The following ANKRD11 variants were observed in gnomAD, a reference collection of about 807,000 sequenced individuals.
ANKRD11 encodes ankyrin repeat domain 11.
Under a neutral mutation model 195.7 loss-of-function variants are expected in ANKRD11, and 17 were observed. That is an observed-to-expected ratio of 0.09 (90% CI 0.06 to 0.13). ANKRD11 has a LOEUF of 0.13. Among genes scored for constraint, ANKRD11 ranks in the 10% least tolerant of loss-of-function variants. ANKRD11 has a pLI of 1.00. For missense variants in ANKRD11, 3,735 were observed against 3,566.1 expected (o/e 1.05, Z -1.21); for synonymous variants, 1,953 against 1,528.1 (o/e 1.28, Z -6.49).
intron 9 of ANKRD11, chr16:89,278,435 C>G: frequency 4.2e-5 from 18 of 432,822 alleles, no homozygotes; most frequent in South Asian, 3.0e-4. Flanking sequence ...TGGGCCCAGA[C>G]GTAGCGCAAG....
At chr16:89,423,431 T>C (rs1320376305) in intron 1 of ANKRD11, among the ~76,000 whole-genome samples, 1 of 152,246 alleles carries the variant, frequency 6.6e-6, no homozygotes. Context: ...CCGCAGTGCA[T>C]TCCTTTCATG....
At chr16:89,363,186 T>C (rs893827462) in intron 2 of ANKRD11, among the ~76,000 whole-genome samples, 7 of 152,274 alleles carry the variant, frequency 4.6e-5, no homozygotes, top group African/African-American at 1.4e-4. Flanking sequence ...AAATATACGA[T>C]GTTTCCAGAT....
In ANKRD11 at chr16:89,317,312, C is replaced by T. The variant is rs189721261; in HGVS notation, c.-59-234G>A. Among the ~76,000 whole-genome samples the T allele has an allele frequency of 2.0e-5, 3 of 152,326 alleles. No individual in the cohort carries two copies. In the East Asian group the frequency reaches 5.8e-4, roughly 29 times the overall value. On this transcript the variant is annotated intron_variant, in intron 2 of 12. Transcript: ENST00000301030. ...GGAAGGAGAACAGAGAAGGGTCAAG[C>T]ACTTTGTAGTGGCAGAAAGGGACGC... is the stretch of plus-strand genomic sequence containing the variant.
intron 9 of ANKRD11, chr16:89,278,393 C>T (rs1409478199): frequency 2.5e-6 from 1 of 393,432 alleles, no homozygotes; most frequent in African/African-American, 2.1e-5. Context: ...GGAATGTGCT[C>T]AGAGCAGGGC....
At chr16:89,316,459 G>A (rs1223055078) in intron 3 of ANKRD11, among the ~76,000 whole-genome samples, 1 of 152,154 alleles carries the variant, frequency 6.6e-6, no homozygotes, top group Non-Finnish European at 1.5e-5. Context: ...CTGCAAGGCA[G>A]GAAGTCTGCA....
rs1370452980 is a variant in ANKRD11, at chr16:89,437,993, T to C, written c.-144-19625A>G. 5.3e-5 allele frequency among the ~76,000 whole-genome samples: 8 copies of C among 152,294 alleles called. No individual in the cohort carries two copies. The East Asian group carries it at 1.2e-3, about 22-fold the overall frequency. Reference sequence around the variant, plus strand: ...CTGGATACAAAATATAAGATGAATATACACAAGTCCATTGTATTTCTAGAC... The same window carrying C: ...CTGGATACAAAATATAAGATGAATACACACAAGTCCATTGTATTTCTAGAC... On this transcript the variant is annotated intron_variant, in intron 1 of 12. Transcript: ENST00000301030.
chr16:89,290,496 T>TG, intron 6 of ANKRD11, 129 bp downstream of exon 6: 1 of 137,160 alleles, frequency 7.3e-6, no homozygotes, highest in Non-Finnish European at 1.3e-5. Context: ...AGGGCTCCAA[T>TG]GGGGGGAGGC....
chr16:89,362,913 G>A (rs575319691), intron 2 of ANKRD11, among the ~76,000 whole-genome samples: 1 of 152,138 alleles, frequency 6.6e-6, no homozygotes, highest in South Asian at 2.1e-4. Context: ...AATACAGAAT[G>A]TGAGGTCCCG....
intron 3 of ANKRD11, among the ~76,000 whole-genome samples, chr16:89,315,344 C>T (rs2036886724): frequency 6.6e-6 from 1 of 152,228 alleles, no homozygotes; most frequent in Non-Finnish European, 1.5e-5. Flanking sequence ...CGACGTGAAG[C>T]TATCCCAACA....
Position 89,294,604 on chromosome 16 carries a change from C to T in ANKRD11, c.227-3421G>A, listed in dbSNP as rs980810280. Among the ~76,000 whole-genome samples, 8 of 152,280 alleles carry T rather than the reference C, an allele frequency of 5.3e-5. No homozygotes were observed. The South Asian group carries it at 6.2e-4, about 12-fold the overall frequency. ...TAGAGGGAAAGCCCCACCCACGGAG[C>T]GAGACCCCCATGTGCCACAGCCCAT... is the stretch of plus-strand genomic sequence containing the variant. On this transcript the variant is annotated intron_variant, in intron 4 of 12. Transcript: ENST00000301030.
chr16:89,396,897 G>C (rs1197130339), intron 2 of ANKRD11, among the ~76,000 whole-genome samples: 6 of 152,154 alleles, frequency 3.9e-5, no homozygotes, highest in Non-Finnish European at 7.3e-5. Flanking sequence ...ATGTTGGTCA[G>C]GCTGGTCTCA....
At chr16:89,444,460 G>T (rs892975900) in intron 1 of ANKRD11, among the ~76,000 whole-genome samples, 1 of 151,922 alleles carries the variant, frequency 6.6e-6, no homozygotes, top group Admixed American at 6.6e-5. Flanking sequence ...GGGGCGGTCG[G>T]GGGGGTGGAG....
chr16:89,375,006 T>C (rs1293350757), intron 2 of ANKRD11, among the ~76,000 whole-genome samples: 1 of 152,022 alleles, frequency 6.6e-6, no homozygotes, highest in South Asian at 2.1e-4. Context: ...CCATAAACTA[T>C]ACACAGATTA....
intron 1 of ANKRD11, among the ~76,000 whole-genome samples, chr16:89,419,282 T>A (rs1053789961): frequency 6.6e-6 from 1 of 151,370 alleles, no homozygotes; most frequent in African/African-American, 2.4e-5. Flanking sequence ...CAAAACCCCG[T>A]CTCTACTGAA....
intron 1 of ANKRD11, among the ~76,000 whole-genome samples, chr16:89,487,536 G>C (rs1370961580): frequency 1.3e-5 from 2 of 152,212 alleles, no homozygotes; most frequent in African/African-American, 4.8e-5. Context: ...AGCACTTTGG[G>C]AGGCCAAGGC....
rs2033929076 is a variant in ANKRD11 at position 89,279,087 on chromosome 16, C to T, written c.7455G>A (p.Lys2485=). The T allele has an allele frequency of 6.2e-7, 1 of 1,613,890 alleles. No homozygotes were observed. The change falls in exon 9 of 13, where the codon AAG becomes AAA. Residue 2485 remains lysine (K), a synonymous_variant. Transcript: ENST00000301030. This position sits in a 1 kb window ranked among gnomAD's most constrained non-coding sequence, Gnocchi z 5.6. ...SYLLDGKPLS[K]LHIPVIAPPP... ...CCGCACTCACCACGGGGATGTGGAGCTTGCTGAGCGGCTTGCCGTCCAGGA... is the reference window on the plus strand; with the variant it reads ...CCGCACTCACCACGGGGATGTGGAGTTTGCTGAGCGGCTTGCCGTCCAGGA...
Position 89,269,180 on chromosome 16 carries a change from T to A in ANKRD11, c.7807-517A>T, listed in dbSNP as rs150182623. 2.0e-5 allele frequency among the ~76,000 whole-genome samples: 3 copies of A among 152,246 alleles called. No individual in the cohort carries two copies. The East Asian group carries it at 5.8e-4, about 29-fold the overall frequency. ...GTCACAAGCAACCGTGTAGAGAATC[T>A]TTTTTAGATACCGTCTCAAGGCTGG... On this transcript the variant is annotated intron_variant, in intron 12 of 12. Coordinates refer to ENST00000301030, the MANE Select transcript of ANKRD11 (RefSeq NM_013275.6).
intron 2 of ANKRD11, among the ~76,000 whole-genome samples, chr16:89,378,787 T>C (rs899382265): frequency 3.9e-5 from 6 of 152,180 alleles, no homozygotes; most frequent in African/African-American, 1.4e-4. Context: ...GGTTTCATCA[T>C]GTTGGCCAGG....
In ANKRD11 at chr16:89,394,925, G is replaced by A. The variant is rs541909405; in HGVS notation, c.-60+23359C>T. Among the ~76,000 whole-genome samples the A allele has an allele frequency of 4.6e-5, 7 of 152,320 alleles. No homozygotes were observed. In the South Asian group the frequency reaches 1.4e-3, roughly 32 times the overall value. Reference sequence around the variant, plus strand: ...AGCTTTGTTTGCAGCCAATTCAGAGGCGACAGTTTTTCCAAGGCTACTTAG... The same window carrying A: ...AGCTTTGTTTGCAGCCAATTCAGAGACGACAGTTTTTCCAAGGCTACTTAG... On this transcript the variant is annotated intron_variant, in intron 2 of 12. Transcript: ENST00000301030.
Sources: allele counts gnomAD v4.1 joint callset (sites outside exome capture counted in the v4.1 genomes callset), GRCh38; gene constraint gnomAD v4.1.1; non-coding constraint Gnocchi (gnomAD v3.1); transcripts MANE v1.5; gene names NCBI Gene and HGNC (gene_info 2026-07-23, HGNC 2026-07-21).